The following DPP10 variants were observed in gnomAD, a reference collection of about 807,000 sequenced individuals.
DPP10 encodes the protein inactive dipeptidyl peptidase 10.
DPP10 carries 33 observed loss-of-function variants against 120.9 expected under a neutral mutation model. That is an observed-to-expected ratio of 0.27 (90% CI 0.21 to 0.37). The LOEUF (loss-of-function observed/expected upper bound fraction) is 0.37. DPP10 is among the 10% of genes least tolerant of loss of function. The pLI, the probability that DPP10 is intolerant of heterozygous loss-of-function variation, is 1.00. For synonymous variants in DPP10, 337 were observed against 326.1 expected (o/e 1.03, Z -0.36); for missense variants, 816 against 942.8 (o/e 0.87, Z 1.76).
intron 3 of DPP10, among the ~76,000 whole-genome samples, chr2:115,448,207 TAC>T (rs1388684679): frequency 6.6e-6 from 1 of 152,094 alleles, no homozygotes; most frequent in African/African-American, 2.4e-5. Context: ...AGGGAAAACA[TAC>T]ACACACTGGA....
At chr2:114,601,189 TG>T (rs1359839477) in intron 1 of DPP10, among the ~76,000 whole-genome samples, 2 of 151,890 alleles carry the variant, frequency 1.3e-5, no homozygotes, top group East Asian at 1.9e-4. Flanking sequence ...GACGTTGTAA[TG>T]GGTGGGCACA....
intron 2 of DPP10, among the ~76,000 whole-genome samples, chr2:115,319,489 A>T (rs2061956461): frequency 6.6e-6 from 1 of 152,160 alleles, no homozygotes; most frequent in Non-Finnish European, 1.5e-5. Context: ...AAATGTTAGA[A>T]TTCACAAGTG....
intron 1 of DPP10, among the ~76,000 whole-genome samples, chr2:114,553,811 T>TATGCC (rs1688073262): frequency 6.6e-6 from 1 of 152,226 alleles, no homozygotes; most frequent in Admixed American, 6.5e-5. Context: ...TTTCAAAGCC[T>TATGCC]ATGCCATAAC....
intron 1 of DPP10, among the ~76,000 whole-genome samples, chr2:114,662,224 A>AT (rs1553478635): frequency 5.3e-5 from 8 of 152,132 alleles, no homozygotes; most frequent in Admixed American, 5.2e-4. Context: ...CAGTGTCCTG[A>AT]GGGGGGAGAC....
intron 11 of DPP10, among the ~76,000 whole-genome samples, chr2:115,758,433 T>C (rs1679698581): frequency 1.3e-5 from 2 of 152,142 alleles, no homozygotes; most frequent in South Asian, 4.1e-4. Flanking sequence ...ACTACAACAT[T>C]GCTAAAAGGC....
intron 3 of DPP10, among the ~76,000 whole-genome samples, chr2:115,352,755 A>C (rs1298847742): frequency 6.6e-6 from 1 of 152,086 alleles, no homozygotes; most frequent in Non-Finnish European, 1.5e-5. Flanking sequence ...TGTGAATGGG[A>C]CAGAAAGTAG....
intron 7 of DPP10, among the ~76,000 whole-genome samples, chr2:115,714,139 A>C (rs1357227791): frequency 6.6e-6 from 1 of 152,224 alleles, no homozygotes; most frequent in East Asian, 1.9e-4. Flanking sequence ...GCTGATGTGA[A>C]AAACAGTCCA....
At chr2:114,727,100 C>A (rs1396982746) in intron 1 of DPP10, among the ~76,000 whole-genome samples, 2 of 152,168 alleles carry the variant, frequency 1.3e-5, no homozygotes, top group African/African-American at 4.8e-5. Context: ...GAAGCTATTT[C>A]TTTTTCACTC....
rs367873621 is a variant in DPP10 at position 115,237,528 on chromosome 2, A to G, written c.61-71711A>G. Among the ~76,000 whole-genome samples the G allele has an allele frequency of 7.9e-5, 12 of 152,276 alleles. No individual in the cohort carries two copies. In the East Asian group the frequency reaches 2.1e-3, roughly 27 times the overall value. ...TAAAGGAAGAGTCACACATCTCTCA[A>G]TATAAATCAAAAGCAAGAAAAGATT... is the stretch of plus-strand genomic sequence containing the variant. On this transcript the variant is annotated intron_variant, in intron 1 of 25. Coordinates refer to ENST00000410059, the MANE Select transcript of DPP10 (RefSeq NM_020868.6).
intron 1 of DPP10, chr2:115,161,061 C>T (rs1398695674): frequency 6.6e-6 from 1 of 152,298 alleles, no homozygotes; most frequent in Non-Finnish European, 1.5e-5. Flanking sequence ...AAATGAGTAT[C>T]AGAGTCTTAT....
intron 1 of DPP10, among the ~76,000 whole-genome samples, chr2:115,108,514 G>T (rs1448759319): frequency 1.3e-5 from 2 of 152,140 alleles, no homozygotes; most frequent in South Asian, 2.1e-4. Flanking sequence ...TAAGCAATTT[G>T]AATTACTGTA....
At chr2:114,681,836 A>G (rs560081326) in intron 1 of DPP10, among the ~76,000 whole-genome samples, 1 of 152,022 alleles carries the variant, frequency 6.6e-6, no homozygotes, top group South Asian at 2.1e-4. Flanking sequence ...TTATGTTTCT[A>G]TCATAATCCA....
At chr2:115,725,887 C>T (rs1241686275) in intron 7 of DPP10, among the ~76,000 whole-genome samples, 2 of 152,114 alleles carry the variant, frequency 1.3e-5, no homozygotes, top group Non-Finnish European at 2.9e-5. Context: ...AGGTGTAAAG[C>T]TTATGCTTTA....
intron 1 of DPP10, among the ~76,000 whole-genome samples, chr2:114,484,938 ATT>A (rs112288442): frequency 2.7e-5 from 4 of 145,824 alleles, no homozygotes; most frequent in Admixed American, 6.9e-5. Flanking sequence ...TGCTTCTAAG[ATT>A]TTTTTTTTTT....
rs775580035 is a variant in DPP10 at position 115,125,789 on chromosome 2, A to T, written c.61-183450A>T. The stretch of plus-strand genomic sequence containing the variant: ...AATAGAGACCGGGTTTCACCACGTT[A>T]GCCAGGATAGTCTTGATCTCTTGAC... On this transcript the variant is annotated intron_variant, in intron 1 of 25. Coordinates refer to ENST00000410059, the MANE Select transcript of DPP10 (RefSeq NM_020868.6). 8.9e-4 allele frequency among the ~76,000 whole-genome samples: 135 copies of T among 151,874 alleles called. 1 individual carries two copies. Among genetic ancestry groups the T allele is most frequent in the Non-Finnish European group, 4.4e-4 (30 of 67,966 alleles).
intron 1 of DPP10, among the ~76,000 whole-genome samples, chr2:114,707,568 AC>A (rs1159575712): frequency 6.6e-6 from 1 of 152,170 alleles, no homozygotes; most frequent in Non-Finnish European, 1.5e-5. Context: ...CATGGAAATA[AC>A]CGTGCATCAC....
intron 1 of DPP10, among the ~76,000 whole-genome samples, chr2:114,522,026 C>T (rs1685104490): frequency 7.1e-6 from 1 of 140,492 alleles, no homozygotes; most frequent in Non-Finnish European, 1.5e-5. Flanking sequence ...GTCACCCAGG[C>T]TGGAGTGCAG....
chr2:115,415,795 TAAATC>T (rs1559569517), intron 3 of DPP10, among the ~76,000 whole-genome samples: 1 of 141,504 alleles, frequency 7.1e-6, no homozygotes, highest in African/African-American at 2.6e-5. Flanking sequence ...AGTGGAAAAA[TAAATC>T]AGATTATGTA....
At chr2:115,821,219 G>A (rs929445879) in intron 21 of DPP10, among the ~76,000 whole-genome samples, 2 of 152,008 alleles carry the variant, frequency 1.3e-5, no homozygotes, top group Admixed American at 6.6e-5. Flanking sequence ...CCTTTATAAT[G>A]TGAACTCATC....
Sources: allele counts gnomAD v4.1 joint callset (sites outside exome capture counted in the v4.1 genomes callset), GRCh38; gene constraint gnomAD v4.1.1; transcripts MANE v1.5; gene names NCBI Gene and HGNC (gene_info 2026-07-23, HGNC 2026-07-21).